Variants in APP observed in about 807,000 individuals in gnomAD.
APP encodes the protein amyloid-beta precursor protein.
A neutral mutation model predicts 101.4 loss-of-function variants in APP; 31 were observed. That is an observed-to-expected ratio of 0.31 (90% CI 0.23 to 0.41). The LOEUF is 0.41. Ranked by LOEUF, APP falls within the 10% of genes least tolerant of loss-of-function variation. The probability of loss-of-function intolerance (pLI) is 1.00; values close to 1 mark genes in which losing one functional copy is unlikely to be tolerated. For synonymous variants in APP, 366 were observed against 364.4 expected (o/e 1.00, Z -0.05); for missense variants, 839 against 1,003.7 (o/e 0.84, Z 2.22).
chr21:25,936,855 G>A lies in APP; in HGVS notation c.1687+17735C>T, dbSNP rs949083710. 5.9e-5 allele frequency among the ~76,000 whole-genome samples: 9 copies of A among 152,276 alleles called. No individual in the cohort carries two copies. In the South Asian group the frequency reaches 1.4e-3, roughly 25 times the overall value. On this transcript the variant is annotated intron_variant, in intron 13 of 17. Transcript: ENST00000346798. ...AGAATAGCTTTTTCTAGAGGATTCT[G>A]TTTTCTTTCTTTCTTCGGCTTCTTT...
intron 1 of APP, among the ~76,000 whole-genome samples, chr21:26,162,722 T>G (rs1278566115): frequency 6.6e-6 from 1 of 150,562 alleles, no homozygotes; most frequent in East Asian, 1.9e-4. Context: ...AAATGACTTT[T>G]CTTTATGCAA....
intron 6 of APP, among the ~76,000 whole-genome samples, chr21:26,004,696 A>C (rs564538063): frequency 1.1e-4 from 17 of 152,252 alleles, no homozygotes; most frequent in African/African-American, 4.1e-4. Flanking sequence ...GTACATGTGC[A>C]CAACGTGCAG....
intron 2 of APP, among the ~76,000 whole-genome samples, chr21:26,108,745 G>A (rs1369297721): frequency 3.9e-5 from 6 of 151,982 alleles, no homozygotes; most frequent in African/African-American, 1.2e-4. Context: ...AAATCCCGGC[G>A]TGGTGGCAGG....
intron 13 of APP, among the ~76,000 whole-genome samples, chr21:25,935,839 C>T (rs1197333316): frequency 1.3e-5 from 1 of 77,052 alleles, no homozygotes; most frequent in Admixed American, 1.7e-4. Context: ...GACTCTGTCT[C>T]AAAAAAAAAA....
chr21:25,903,903 C>T (rs1426479173), intron 15 of APP, among the ~76,000 whole-genome samples: 1 of 152,166 alleles, frequency 6.6e-6, no homozygotes, highest in African/African-American at 2.4e-5. Flanking sequence ...CATGAAGATG[C>T]CACAGGCAGA....
At chr21:25,978,924 C>G (rs778768488) in intron 9 of APP, among the ~76,000 whole-genome samples, 6 of 152,132 alleles carry the variant, frequency 3.9e-5, no homozygotes, top group Non-Finnish European at 5.9e-5. Flanking sequence ...TGCACTCCAG[C>G]TGGGTGACAG....
In APP at chr21:26,152,354, CAAACA is replaced by C. The variant is rs576661300; in HGVS notation, c.57+18205_57+18209del. On this transcript the variant is annotated intron_variant, in intron 1 of 17. Coordinates refer to ENST00000346798, the MANE Select transcript of APP (RefSeq NM_000484.4). ...CATTTCTAAAAAGCAAATGTACAAA[CAAACA>C]AAACAAAACAAAACAAAAGCACAAG... Among the ~76,000 whole-genome samples the C allele has an allele frequency of 8.5e-5, 12 of 141,516 alleles. 1 individual carries two copies. The highest frequency in any genetic ancestry group is 5.7e-4 in the Admixed American group (8 of 14,018). The allele number at this position is 141,516 out of a possible 152,430, so 92.8% of individuals were successfully genotyped here. A position where few individuals can be genotyped will look rare whatever the true frequency, so the allele number is the denominator to read the frequency against.
intron 1 of APP, among the ~76,000 whole-genome samples, chr21:26,121,231 A>G (rs1011856517): frequency 2.6e-5 from 4 of 152,216 alleles, no homozygotes; most frequent in Admixed American, 2.0e-4. Flanking sequence ...AGCTCTAGAC[A>G]TAATTTATTT....
intron 3 of APP, among the ~76,000 whole-genome samples, chr21:26,065,002 C>A (rs574408421): frequency 6.8e-4 from 103 of 152,278 alleles, no homozygotes; most frequent in African/African-American, 2.4e-3. Context: ...TACAGGCCTG[C>A]GCCACCACGC....
rs755866188 is a variant in APP at position 26,000,178 on chromosome 21, C to A, written c.870G>T (p.Val290=). ...TESVEEVVRE[V]CSEQAETGPC... ...GCCCCGTCTCGGCTTGTTCAGAGCACACCTCTAATCAGAGGAGATGTGGGG... is the reference window on the plus strand; with the variant it reads ...GCCCCGTCTCGGCTTGTTCAGAGCAAACCTCTAATCAGAGGAGATGTGGGG... The change falls in exon 7 of 18, where the codon GTG becomes GTT. Residue 290 remains valine (V), a synonymous_variant. Transcript: ENST00000346798. The A allele has an allele frequency of 5.0e-6, 8 of 1,614,180 alleles. No homozygotes were observed. In the East Asian group the frequency reaches 1.8e-4, roughly 36 times the overall value.
At chr21:26,162,544 T>G (rs2063513507) in intron 1 of APP, among the ~76,000 whole-genome samples, 1 of 152,002 alleles carries the variant, frequency 6.6e-6, no homozygotes, top group African/African-American at 2.4e-5. Context: ...TGTAGTAACT[T>G]GGGATGAGGG....
intron 6 of APP, among the ~76,000 whole-genome samples, chr21:26,016,214 G>T (rs1157288311): frequency 6.6e-6 from 1 of 152,020 alleles, no homozygotes. Context: ...TGTATTTTTA[G>T]TGAAGACGGG....
At chr21:26,080,612 C>CA (rs751287488) in intron 3 of APP, among the ~76,000 whole-genome samples, 489 of 149,614 alleles carry the variant, frequency 3.3e-3, no homozygotes, top group Non-Finnish European at 4.2e-3. Flanking sequence ...ACTAAAAATA[C>CA]AAAAAAAAAT....
chr21:25,974,850 G>C lies in APP; in HGVS notation c.1458+220C>G, dbSNP rs540987949. Among the ~76,000 whole-genome samples the C allele has an allele frequency of 1.1e-4, 17 of 152,282 alleles. No individual in the cohort carries two copies. In the East Asian group the frequency reaches 3.3e-3, roughly 29 times the overall value. ...TGGGAGTCCTGTCTGGCTGCTCTGT[G>C]GGGAAGTGTGAGTACCTGCTGTGTA... On this transcript the variant is annotated intron_variant, in intron 11 of 17. Transcript: ENST00000346798.
In APP at chr21:26,112,157, A is replaced by C. The variant is rs200974058; in HGVS notation, c.58-11T>G. Reference sequence around the variant, plus strand: ...ACCATCAGTGGGTACCTGAAAGAAGAAGCTTCAGTTAGTTATAGTATCCAT... The same window carrying C: ...ACCATCAGTGGGTACCTGAAAGAAGCAGCTTCAGTTAGTTATAGTATCCAT... On this transcript the variant is annotated splice_polypyrimidine_tract_variant and intron_variant, in intron 1 of 17. Transcript: ENST00000346798. 61 of 1,613,484 alleles carry C rather than the reference A, an allele frequency of 3.8e-5. No individual in the cohort carries two copies. The highest frequency in any genetic ancestry group is 4.5e-5 in the East Asian group (2 of 44,880).
chr21:25,939,289 G>C lies in APP; in HGVS notation c.1687+15301C>G, dbSNP rs567362656. ...TTTCCTTTCACATCAAAGAGATCTA[G>C]AAAGCAAAACCTGTCTCACATTTGC... On this transcript the variant is annotated intron_variant, in intron 13 of 17. Coordinates refer to ENST00000346798, the MANE Select transcript of APP (RefSeq NM_000484.4). Among the ~76,000 whole-genome samples, 8 of 152,320 alleles carry C rather than the reference G, an allele frequency of 5.3e-5. No homozygotes were observed. The East Asian group carries it at 1.5e-3, about 29-fold the overall frequency.
intron 8 of APP, among the ~76,000 whole-genome samples, chr21:25,991,198 T>A (rs1464955059): frequency 6.6e-6 from 1 of 151,670 alleles, no homozygotes; most frequent in Non-Finnish European, 1.5e-5. Flanking sequence ...GATAAAAAAC[T>A]ACGTATTGGG....
chr21:26,011,127 G>C (rs1364717705), intron 6 of APP, among the ~76,000 whole-genome samples: 2 of 151,978 alleles, frequency 1.3e-5, no homozygotes, highest in African/African-American at 4.8e-5. Context: ...CGAGACTGGA[G>C]TGCAATGGCA....
At chr21:25,915,162 ACACCTCTCTCT>A (rs1408339603) in intron 13 of APP, among the ~76,000 whole-genome samples, 2 of 152,126 alleles carry the variant, frequency 1.3e-5, no homozygotes, top group Admixed American at 6.5e-5. Context: ...TGTCTACACC[ACACCTCTCTCT>A]CAGGCTAAAT....
Sources: allele counts gnomAD v4.1 joint callset (sites outside exome capture counted in the v4.1 genomes callset), GRCh38; gene constraint gnomAD v4.1.1; transcripts MANE v1.5; gene names NCBI Gene and HGNC (gene_info 2026-07-23, HGNC 2026-07-21).